The following N4BP2 variants were observed in gnomAD, a reference collection of about 807,000 sequenced individuals.
N4BP2 encodes the protein NEDD4-binding protein 2.
A neutral mutation model predicts 152.8 loss-of-function variants in N4BP2; 91 were observed. That is an observed-to-expected ratio of 0.60 (90% confidence interval 0.50 to 0.71). The LOEUF is 0.71. Among genes scored for constraint, N4BP2 ranks in the 30% least tolerant of loss-of-function variants. N4BP2 has a pLI of 0.00. For missense variants in N4BP2, 1,923 were observed against 2,059.1 expected, an observed-to-expected ratio of 0.93 and a Z score of 1.28; for synonymous variants, 646 against 705.3, an observed-to-expected ratio of 0.92 and a Z score of 1.33.
intron 5 of N4BP2, among the ~76,000 whole-genome samples, chr4:40,110,055 A>G (rs1716721642): frequency 6.6e-6 from 1 of 152,208 alleles, no homozygotes. Context: ...TAATTTGCCT[A>G]TTCCAGACAT....
At chr4:40,142,645 G>A (rs1720131610) in intron 14 of N4BP2, 28 bp from the exon 15 acceptor site, 1 of 1,495,586 alleles carries the variant, frequency 6.7e-7, no homozygotes, top group Non-Finnish European at 9.1e-7. Flanking sequence ...CTTTCTGTGT[G>A]TGTTACTTAT....
At chr4:40,082,186 G>T (rs914729517) in intron 2 of N4BP2, among the ~76,000 whole-genome samples, 1 of 147,766 alleles carries the variant, frequency 6.8e-6, no homozygotes, top group Non-Finnish European at 1.5e-5. Flanking sequence ...TAAGGCAGGG[G>T]AATTGCTTGA....
intron 14 of N4BP2, among the ~76,000 whole-genome samples, chr4:40,140,778 AGTG>A (rs966717593): frequency 5.3e-5 from 8 of 151,796 alleles, no homozygotes; most frequent in Non-Finnish European, 1.2e-4. Context: ...GAGATTAGGG[AGTG>A]GTGATGACTC....
chr4:40,080,101 A>T (rs1235221444), intron 2 of N4BP2, among the ~76,000 whole-genome samples: 1 of 152,124 alleles, frequency 6.6e-6, no homozygotes, highest in Non-Finnish European at 1.5e-5. Flanking sequence ...TTTCAAATAC[A>T]ATCTCTGTTT....
chr4:40,123,301 G>T, intron 10 of N4BP2, 89 bp downstream of exon 10: 1 of 851,786 alleles, frequency 1.2e-6, no homozygotes, highest in Non-Finnish European at 1.9e-6. Flanking sequence ...ATATTAAGGA[G>T]TTCTATTGAA....
At chr4:40,148,728 G>A (rs1240165571) in intron 16 of N4BP2, among the ~76,000 whole-genome samples, 2 of 152,188 alleles carry the variant, frequency 1.3e-5, no homozygotes, top group Non-Finnish European at 2.9e-5. Flanking sequence ...GGGCTCAAGT[G>A]ATCCTCCCAC....
intron 1 of N4BP2, among the ~76,000 whole-genome samples, chr4:40,062,696 C>G (rs541100719): frequency 6.6e-6 from 1 of 151,618 alleles, no homozygotes; most frequent in African/African-American, 2.4e-5. Context: ...CTGAAGGGGT[C>G]AGAGTTCTTA....
At chr4:40,149,035 CTG>C (rs1230494143) in intron 16 of N4BP2, among the ~76,000 whole-genome samples, 2 of 152,200 alleles carry the variant, frequency 1.3e-5, no homozygotes, top group Non-Finnish European at 2.9e-5. Context: ...AGTGTAGCCA[CTG>C]TGAAAAATTT....
At chr4:40,183,225 A>G in the N4BP2 span, among the ~76,000 whole-genome samples, 2 of 151,932 alleles carry the variant, frequency 1.3e-5, no homozygotes, top group African/African-American at 4.8e-5. Flanking sequence ...CCCAAATACT[A>G]TTTTCAAATG....
At chr4:40,146,094 C>T (rs533654890) in intron 16 of N4BP2, among the ~76,000 whole-genome samples, 15 of 151,958 alleles carry the variant, frequency 9.9e-5, no homozygotes, top group African/African-American at 2.2e-4. Flanking sequence ...ACCCTGGAGG[C>T]GGAGGTTGCA....
At chr4:40,136,390 CTATCT>C (rs1324747006) in intron 13 of N4BP2, among the ~76,000 whole-genome samples, 1 of 149,228 alleles carries the variant, frequency 6.7e-6, no homozygotes, top group East Asian at 2.0e-4. Flanking sequence ...ATCTATCTAT[CTATCT>C]TTTTTTTGAG....
At chr4:40,118,435 A>AAAAT (rs148716615) in intron 8 of N4BP2, among the ~76,000 whole-genome samples, 1 of 152,042 alleles carries the variant, frequency 6.6e-6, no homozygotes, top group Non-Finnish European at 1.5e-5. Context: ...TCCATTTCAA[A>AAAAT]AAATAAATAA....
chr4:40,178,055 G>A, the N4BP2 span, among the ~76,000 whole-genome samples: 4 of 152,084 alleles, frequency 2.6e-5, no homozygotes, highest in South Asian at 8.3e-4. Flanking sequence ...AGCTACTCAG[G>A]AGGCTGAGGC....
Position 40,120,568 on chromosome 4 carries a change from T to C in N4BP2, c.2457T>C (p.Tyr819=), listed in dbSNP as rs1717789313. ...CATCCGTACAAAGCGACAAAAAGTA[T>C]AATTACCCTCAGTCACACAAATTAG... The part of the protein sequence containing the change: ...KTSSVQSDKK[Y]NYPQSHKLVN... The change falls in exon 9 of 18, where the codon TAT becomes TAC. Residue 819 remains tyrosine (Y), a synonymous_variant. Coordinates refer to ENST00000261435, the MANE Select transcript of N4BP2 (RefSeq NM_018177.6). The C allele has an allele frequency of 6.2e-7, 1 of 1,614,096 alleles. No homozygotes were observed.
chr4:40,162,916 G>A (rs1199659174), downstream of N4BP2, among the ~76,000 whole-genome samples: 2 of 152,180 alleles, frequency 1.3e-5, no homozygotes, highest in Non-Finnish European at 2.9e-5. Context: ...GTTCAAGTGT[G>A]AAGTTCTCAA....
At chr4:40,137,114 G>A in intron 14 of N4BP2, 32 bp downstream of exon 14, 1 of 1,512,676 alleles carries the variant, frequency 6.6e-7, no homozygotes, top group East Asian at 2.3e-5. Context: ...TTCTACAAGG[G>A]TAGATAATTG....
At position 40,157,785 on chromosome 4, in the gene N4BP2, A is replaced by G. The variant is rs1721717138; in HGVS notation, c.*3548A>G. The G allele has an allele frequency of 6.6e-6, 1 of 152,196 alleles. No individual in the cohort carries two copies. The highest frequency in any genetic ancestry group is 2.4e-5 in the African/African-American group (1 of 41,458). 9.4% of individuals were successfully genotyped at this position (152,196 alleles called of 1,614,324 possible). The stretch of plus-strand genomic sequence containing the variant: ...GTCATTTAAAAGGTAAAATAAGTTT[A>G]TGTAGAATGTATGTTCATGGTGCTT... On this transcript the variant is annotated 3_prime_UTR_variant, in exon 18 of 18. Transcript: ENST00000261435.
chr4:40,101,088 G>A (rs1365498749), intron 3 of N4BP2, among the ~76,000 whole-genome samples: 1 of 152,150 alleles, frequency 6.6e-6, no homozygotes, highest in African/African-American at 2.4e-5. Context: ...ATCACCTTAT[G>A]TGAGATCTTT....
At chr4:40,160,155 T>C (rs1024647869), downstream of N4BP2, among the ~76,000 whole-genome samples, 1 of 152,130 alleles carries the variant, frequency 6.6e-6, no homozygotes, top group Non-Finnish European at 1.5e-5. Context: ...CTGTATATGA[T>C]CCTGTTCTAG....
Sources: gnomAD v4.1 joint callset for allele counts (sites outside exome capture counted in the v4.1 genomes callset) on GRCh38, gnomAD v4.1.1 for gene constraint, MANE v1.5 for transcripts, NCBI Gene and HGNC (gene_info 2026-07-23, HGNC 2026-07-21) for gene names.